The following RBM20 variants were observed in gnomAD, a reference collection of about 807,000 sequenced individuals.
RBM20 encodes RNA-binding protein 20.
In RBM20, 51 loss-of-function variants were observed where a neutral mutation model predicts 110.1. The observed-to-expected ratio is 0.46, with a 90% confidence interval of 0.37 to 0.59. The LOEUF is 0.59. Ranked by LOEUF, RBM20 falls within the 20% of genes least tolerant of loss-of-function variation. The probability of loss-of-function intolerance (pLI) is 0.00; values close to 1 mark genes in which losing one functional copy is unlikely to be tolerated. For missense variants in RBM20, 1,512 were observed against 1,574.9 expected (o/e 0.96, Z 0.68); for synonymous variants, 589 against 618.2 (o/e 0.95, Z 0.70).
At chr10:110,708,587 A>G (rs1010860170) in intron 1 of RBM20, among the ~76,000 whole-genome samples, 1 of 152,188 alleles carries the variant, frequency 6.6e-6, no homozygotes, top group Non-Finnish European at 1.5e-5. Flanking sequence ...ATAAAACCTT[A>G]TTTCTCAAAT....
chr10:110,812,303 C>T lies in RBM20; in HGVS notation c.1906C>T (p.Arg636Cys), dbSNP rs267607002. The change falls in exon 9 of 14, where the codon CGT becomes TGT. Residue 636 changes from arginine to cysteine, a missense_variant. Around this residue, in one of 3 missense-constraint regions of RBM20, gnomAD observed 1,149 missense variants for 1,169.4 expected, o/e 0.98. Coordinates refer to ENST00000369519, the MANE Select transcript of RBM20 (RefSeq NM_001134363.3). ...DRYGPERPRS[R>C]SPVSRSLSPR... is the part of the protein sequence containing the mutation. ...ATATGGCCCAGAAAGGCCGCGGTCT[C>T]GTAGTCCGGTGAGCCGGTCACTCTC... is the stretch of plus-strand genomic sequence containing the variant. 1.9e-6 allele frequency: 3 copies of T among 1,549,338 alleles called. No homozygotes were observed. Among genetic ancestry groups the T allele is most frequent in the Non-Finnish European group, 2.6e-6 (3 of 1,145,824 alleles).
At position 110,644,413 on chromosome 10, in the gene RBM20, C is replaced by G. The variant is rs1268869599; in HGVS notation, c.-42C>G. ...GCCCGTGGCCCGGGACCGCCCCTCC[C>G]TTGAGCTCTCTCGCCGCGATCCCGG... On this transcript the variant is annotated 5_prime_UTR_variant, in exon 1 of 14. Coordinates refer to ENST00000369519, the MANE Select transcript of RBM20 (RefSeq NM_001134363.3). This position sits in a 1 kb window ranked among gnomAD's most constrained non-coding sequence, Gnocchi z 4.3. The G allele has an allele frequency of 1.5e-5, 22 of 1,422,210 alleles. No individual in the cohort carries two copies. Among genetic ancestry groups the G allele is most frequent in the Non-Finnish European group, 2.0e-5 (22 of 1,089,598 alleles). The allele number at this position is 1,422,210 out of a possible 1,614,324, so 88.1% of individuals were successfully genotyped here. A position where few individuals can be genotyped will look rare whatever the true frequency, so the allele number is the denominator to read the frequency against.
chr10:110,810,465 G>A lies in RBM20; in HGVS notation c.1880+3G>A. On this transcript the variant is annotated splice_donor_region_variant and intron_variant, in intron 8 of 13. Transcript: ENST00000369519. ...GACATGTTCCGGGAAGCAGACAGGT[G>A]AGGCCCCAAGCCCCAAGTCTCCAGG... 2 of 1,550,042 alleles carry A rather than the reference G, an allele frequency of 1.3e-6. No homozygotes were observed. Among genetic ancestry groups the A allele is most frequent in the African/African-American group, 1.4e-5 (1 of 73,100 alleles).
chr10:110,651,005 C>T (rs1861937939), intron 1 of RBM20, among the ~76,000 whole-genome samples: 1 of 152,166 alleles, frequency 6.6e-6, no homozygotes, highest in Non-Finnish European at 1.5e-5. Context: ...CGAGGAGTGC[C>T]ACAGAGGAAA....
chr10:110,649,130 CTT>C (rs1379067765), intron 1 of RBM20, among the ~76,000 whole-genome samples: 1 of 152,110 alleles, frequency 6.6e-6, no homozygotes, highest in African/African-American at 2.4e-5. Context: ...GTTAAGATCT[CTT>C]TGCCAGTCCT....
chr10:110,816,652 AACTTC>A (rs750048750), intron 9 of RBM20, among the ~76,000 whole-genome samples: 27 of 152,198 alleles, frequency 1.8e-4, no homozygotes, highest in South Asian at 8.3e-4. Flanking sequence ...TCCAGGTGTA[AACTTC>A]ACAAGGCAGG....
At chr10:110,672,764 G>T (rs1862281451) in intron 1 of RBM20, among the ~76,000 whole-genome samples, 1 of 152,202 alleles carries the variant, frequency 6.6e-6, no homozygotes, top group Non-Finnish European at 1.5e-5. Context: ...TTGTACTTGA[G>T]TTTTTCAAAT....
At chr10:110,818,216 A>G (rs961416629) in intron 9 of RBM20, among the ~76,000 whole-genome samples, 1 of 142,792 alleles carries the variant, frequency 7.0e-6, no homozygotes, top group Non-Finnish European at 1.5e-5. Flanking sequence ...GCTTGAACCC[A>G]GGAGGCGGAG....
intron 2 of RBM20, 106 bp from the exon 3 acceptor site, chr10:110,783,260 C>A: frequency 1.2e-6 from 1 of 810,496 alleles, no homozygotes; most frequent in Non-Finnish European, 2.1e-6. Flanking sequence ...GTGGTCCAGC[C>A]TCTGGGCGCT....
chr10:110,755,421 T>A (rs1166755395), intron 1 of RBM20, among the ~76,000 whole-genome samples: 1 of 152,210 alleles, frequency 6.6e-6, no homozygotes, highest in Non-Finnish European at 1.5e-5. Flanking sequence ...CTCTTCAGTG[T>A]TTTTATGGTT....
chr10:110,769,302 G>A (rs908461484), intron 1 of RBM20, among the ~76,000 whole-genome samples: 1 of 152,192 alleles, frequency 6.6e-6, no homozygotes, highest in Non-Finnish European at 1.5e-5. Context: ...GCCTTCTAGG[G>A]TGAGTTTTGG....
intron 13 of RBM20, chr10:110,831,641 A>G (rs1180522797): frequency 1.4e-5 from 2 of 143,416 alleles, no homozygotes; most frequent in African/African-American, 5.3e-5. Context: ...CTGTTCCCCT[A>G]TGCAGGTATC....
At chr10:110,767,347 C>T (rs1487258014) in intron 1 of RBM20, among the ~76,000 whole-genome samples, 2 of 145,532 alleles carry the variant, frequency 1.4e-5, no homozygotes, top group Admixed American at 6.7e-5. Context: ...GGGGCTGACC[C>T]CCCCACCTCC....
At chr10:110,672,158 G>A (rs1289408511) in intron 1 of RBM20, among the ~76,000 whole-genome samples, 3 of 152,194 alleles carry the variant, frequency 2.0e-5, no homozygotes, top group East Asian at 1.9e-4. Flanking sequence ...CGTCCCTGCC[G>A]CGCTTTGCGT....
At chr10:110,826,618 C>T (rs753374235) in intron 12 of RBM20, among the ~76,000 whole-genome samples, 40 of 147,434 alleles carry the variant, frequency 2.7e-4, no homozygotes, top group Non-Finnish European at 4.9e-4. Flanking sequence ...GTTTTTCTCT[C>T]GTTACCCAGG....
chr10:110,762,618 C>T (rs1483737224), intron 1 of RBM20, among the ~76,000 whole-genome samples: 1 of 152,178 alleles, frequency 6.6e-6, no homozygotes, highest in East Asian at 1.9e-4. Flanking sequence ...TACACAGCTC[C>T]GGCTGTACCA....
chr10:110,695,664 A>C (rs1432815068), intron 1 of RBM20, among the ~76,000 whole-genome samples: 1 of 152,202 alleles, frequency 6.6e-6, no homozygotes, highest in African/African-American at 2.4e-5. Context: ...CGCTGATGGG[A>C]GTGGACTTCA....
chr10:110,818,723 T>C (rs1844873506), intron 9 of RBM20, among the ~76,000 whole-genome samples: 3 of 152,226 alleles, frequency 2.0e-5, no homozygotes, highest in African/African-American at 7.2e-5. Context: ...GTCCCTTTAC[T>C]GTGTTGATCT....
rs886046723 is a variant in RBM20, at chr10:110,838,845, G to A, written c.*2867G>A. 2 of 152,302 alleles carry A rather than the reference G, an allele frequency of 1.3e-5. No individual in the cohort carries two copies. Among genetic ancestry groups the A allele is most frequent in the Middle Eastern group, 3.4e-3 (1 of 294 alleles). The allele number at this position is 152,302 out of a possible 1,614,324, so 9.4% of individuals were successfully genotyped here. On this transcript the variant is annotated 3_prime_UTR_variant, in exon 14 of 14. Coordinates refer to ENST00000369519, the MANE Select transcript of RBM20 (RefSeq NM_001134363.3). ...AGAGTCTATACTTGTGTGTACATAC[G>A]TATTTATTTTTATTTATTTTTATAC...
Sources: allele counts gnomAD v4.1 joint callset (sites outside exome capture counted in the v4.1 genomes callset), GRCh38; gene constraint gnomAD v4.1.1; regional missense constraint gnomAD v4.1.1; non-coding constraint Gnocchi (gnomAD v3.1); transcripts MANE v1.5; gene names NCBI Gene and HGNC (gene_info 2026-07-23, HGNC 2026-07-21).